Variants in SPATA13 observed in about 807,000 individuals in gnomAD.
SPATA13 encodes spermatogenesis associated 13.
Under a neutral mutation model 104.0 loss-of-function variants are expected in SPATA13, and 50 were observed. That is an observed-to-expected ratio of 0.48 (90% CI 0.38 to 0.61). The LOEUF (loss-of-function observed/expected upper bound fraction) is 0.61, where lower values mean the gene tolerates loss of function less well. SPATA13 is among the 20% of genes least tolerant of loss of function. The pLI, the probability that SPATA13 is intolerant of heterozygous loss-of-function variation, is 0.00. For synonymous variants in SPATA13, 606 were observed against 667.5 expected (o/e 0.91, Z 1.42); for missense variants, 1,524 against 1,690.6 (o/e 0.90, Z 1.73).
At chr13:24,045,736 G>A (rs1175249701) in intron 3 of SPATA13, among the ~76,000 whole-genome samples, 2 of 152,322 alleles carry the variant, frequency 1.3e-5, no homozygotes, top group African/African-American at 2.4e-5. Flanking sequence ...AAAAGATCAT[G>A]TTTGCCCTGC....
intron 2 of SPATA13, among the ~76,000 whole-genome samples, chr13:24,241,328 C>T (rs1872820499): frequency 6.6e-6 from 1 of 152,224 alleles, no homozygotes; most frequent in African/African-American, 2.4e-5. Flanking sequence ...GAAGGGACAA[C>T]TTAATGACCC....
intron 1 of SPATA13, among the ~76,000 whole-genome samples, chr13:24,203,917 G>A (rs7994815): frequency 0.91 from 138,069 of 152,172 alleles, 64,152 homozygotes; most frequent in East Asian, 1. Flanking sequence ...TATATGCTGT[G>A]GCTCTGGATG....
intron 2 of SPATA13, among the ~76,000 whole-genome samples, chr13:23,999,993 C>T (rs1198006009): frequency 6.6e-6 from 1 of 152,156 alleles, no homozygotes; most frequent in Admixed American, 6.5e-5. Context: ...TAGTCAAAAA[C>T]GATCTGGCCT....
rs1355416772 is a variant in SPATA13 at position 24,161,345 on chromosome 13, C to A, written c.-112+413C>A. Among the ~76,000 whole-genome samples, 1 of 152,188 alleles carries A rather than the reference C, an allele frequency of 6.6e-6. No individual in the cohort carries two copies. Among genetic ancestry groups the A allele is most frequent in the Non-Finnish European group, 1.5e-5 (1 of 68,028 alleles). ...AGCCTGGCGCGGCGGAGCCCTGTAACGCTCTGCTCCATCGGGTGGCGTGGC... is the reference window on the plus strand; with the variant it reads ...AGCCTGGCGCGGCGGAGCCCTGTAAAGCTCTGCTCCATCGGGTGGCGTGGC... On this transcript the variant is annotated intron_variant, in intron 1 of 12. Transcript: ENST00000382108. This position sits in a 1 kb window ranked among gnomAD's most constrained non-coding sequence, Gnocchi z 4.5.
intron 3 of SPATA13, among the ~76,000 whole-genome samples, chr13:24,085,323 C>T (rs950953331): frequency 2.6e-5 from 4 of 152,238 alleles, no homozygotes; most frequent in South Asian, 4.2e-4. Context: ...GACAGGGTTT[C>T]GCCATGTTAG....
intron 2 of SPATA13, among the ~76,000 whole-genome samples, chr13:24,240,808 C>A (rs184535391): frequency 6.6e-6 from 1 of 152,176 alleles, no homozygotes. Context: ...GTGTTTTTCG[C>A]ATCTTTTATC....
chr13:24,046,104 G>A (rs1455964852), intron 3 of SPATA13, among the ~76,000 whole-genome samples: 2 of 152,022 alleles, frequency 1.3e-5, no homozygotes, highest in Non-Finnish European at 2.9e-5. Context: ...AAGTCTTGCT[G>A]GAGTGTATCA....
chr13:24,116,338 C>T (rs1019824928), intron 3 of SPATA13, among the ~76,000 whole-genome samples: 3 of 152,192 alleles, frequency 2.0e-5, no homozygotes, highest in Non-Finnish European at 4.4e-5. Context: ...CCGCAAAGGC[C>T]CACCTCCATC....
intron 3 of SPATA13, among the ~76,000 whole-genome samples, chr13:24,081,597 G>A (rs373151219): frequency 3.3e-5 from 5 of 152,216 alleles, no homozygotes; most frequent in East Asian, 1.9e-4. Flanking sequence ...TTGCTTGAGC[G>A]CAGGAGTTCA....
intron 3 of SPATA13, among the ~76,000 whole-genome samples, chr13:24,021,409 C>T (rs1262244577): frequency 6.6e-6 from 1 of 152,224 alleles, no homozygotes; most frequent in Admixed American, 6.5e-5. Context: ...AGGAGGATCA[C>T]TTGAGCCCAG....
chr13:24,087,259 C>T (rs1024130116), intron 3 of SPATA13, among the ~76,000 whole-genome samples: 1 of 152,142 alleles, frequency 6.6e-6, no homozygotes, highest in Non-Finnish European at 1.5e-5. Flanking sequence ...TGGGACCTCC[C>T]CAGTCTTGCC....
In SPATA13 at chr13:24,286,681, G is replaced by C; in HGVS notation, c.2482-84G>C. On this transcript the variant is annotated intron_variant, in intron 6 of 12. Transcript: ENST00000382108. The surrounding 1 kb of genome is among the most constrained non-coding windows in gnomAD (Gnocchi z 4.9). ...TGCCTTCCTAACAGGTCACAGGAAAGTAGGAACCTGGGAGGTCTCCTGCCT... is the reference window on the plus strand; with the variant it reads ...TGCCTTCCTAACAGGTCACAGGAAACTAGGAACCTGGGAGGTCTCCTGCCT... 1.5e-6 allele frequency: 2 copies of C among 1,341,312 alleles called. No homozygotes were observed. Among genetic ancestry groups the C allele is most frequent in the Non-Finnish European group, 2.0e-6 (2 of 977,206 alleles). The allele number at this position is 1,341,312 out of a possible 1,614,324, so 83.1% of individuals were successfully genotyped here. A position where few individuals can be genotyped will look rare whatever the true frequency, so the allele number is the denominator to read the frequency against.
chr13:24,278,929 T>G, intron 4 of SPATA13: 1 of 736,018 alleles, frequency 1.4e-6, no homozygotes, highest in South Asian at 1.9e-5. Flanking sequence ...TCCTTCCCTC[T>G]TTCCTTCCTT....
chr13:24,191,472 A>G (rs1593401524), intron 1 of SPATA13, among the ~76,000 whole-genome samples: 1 of 136,860 alleles, frequency 7.3e-6, no homozygotes, highest in African/African-American at 2.7e-5. Context: ...GCATGGCTGT[A>G]TCTCCTCTTT....
At chr13:24,245,483 T>C (rs1022966504) in intron 2 of SPATA13, among the ~76,000 whole-genome samples, 2 of 152,116 alleles carry the variant, frequency 1.3e-5, no homozygotes, top group African/African-American at 2.4e-5. Context: ...AACTAAGTTT[T>C]GCTATTTTTA....
upstream of SPATA13, among the ~76,000 whole-genome samples, chr13:24,156,718 AG>A (rs1195042343): frequency 6.6e-6 from 1 of 152,204 alleles, no homozygotes; most frequent in Admixed American, 6.5e-5. Context: ...ACCACGTGCC[AG>A]GCAGTGAGCT....
At chr13:24,116,770 C>T (rs1165079891) in intron 3 of SPATA13, among the ~76,000 whole-genome samples, 1 of 70,092 alleles carries the variant, frequency 1.4e-5, no homozygotes, top group Non-Finnish European at 2.7e-5. Context: ...GCCCTACCAG[C>T]CCCCCCCCCC....
In SPATA13 at chr13:24,216,381, C is replaced by A. The variant is rs192937883; in HGVS notation, c.-111-6438C>A. Among the ~76,000 whole-genome samples, 109 of 152,322 alleles carry A rather than the reference C, an allele frequency of 7.2e-4. 1 individual carries two copies. The highest frequency in any genetic ancestry group is 1.8e-3 in the Admixed American group (27 of 15,298). ...CTATTGGGGAAACACCATTCTCACC[C>A]ACAGGAATGTGTTTTAGCCCAGTAA... is the stretch of plus-strand genomic sequence containing the variant. On this transcript the variant is annotated intron_variant, in intron 1 of 12. Coordinates refer to ENST00000382108, the MANE Select transcript of SPATA13 (RefSeq NM_001166271.3).
At chr13:24,021,079 T>C (rs1316809955) in intron 3 of SPATA13, among the ~76,000 whole-genome samples, 2 of 152,206 alleles carry the variant, frequency 1.3e-5, no homozygotes, top group Non-Finnish European at 2.9e-5. Flanking sequence ...AACATGTGCA[T>C]GTCTGTGTGT....
Sources: allele counts gnomAD v4.1 joint callset (sites outside exome capture counted in the v4.1 genomes callset), GRCh38; gene constraint gnomAD v4.1.1; non-coding constraint Gnocchi (gnomAD v3.1); transcripts MANE v1.5; gene names NCBI Gene and HGNC (gene_info 2026-07-23, HGNC 2026-07-21).